Variants in ANO2 observed in about 807,000 individuals in gnomAD.
The protein encoded by ANO2 is anoctamin-2.
A neutral mutation model predicts 124.2 loss-of-function variants in ANO2; 101 were observed. The ratio of observed to expected loss-of-function variants is 0.81; its 90% CI spans 0.69 to 0.96. The LOEUF is 0.96. Among genes scored for constraint, ANO2 ranks in the 40% least tolerant of loss-of-function variants. The probability of loss-of-function intolerance (pLI) is 0.00; values close to 1 mark genes in which losing one functional copy is unlikely to be tolerated. For missense variants in ANO2, 1,293 were observed against 1,274.5 expected (o/e 1.01, Z -0.22); for synonymous variants, 486 against 482.5 (o/e 1.01, Z -0.09).
At chr12:5,833,108 C>T (rs1954207457) in intron 4 of ANO2, among the ~76,000 whole-genome samples, 1 of 152,186 alleles carries the variant, frequency 6.6e-6, no homozygotes, top group Non-Finnish European at 1.5e-5. Flanking sequence ...TAAAACTGCG[C>T]CACGCTTCTA....
intron 19 of ANO2, among the ~76,000 whole-genome samples, chr12:5,603,803 G>A (rs901078310): frequency 2.6e-5 from 4 of 151,970 alleles, no homozygotes; most frequent in Non-Finnish European, 5.9e-5. Flanking sequence ...AAATTAGCAG[G>A]GCACGGTGGT....
At chr12:5,571,480 TCA>T (rs1435618678) in intron 23 of ANO2, among the ~76,000 whole-genome samples, 7 of 152,194 alleles carry the variant, frequency 4.6e-5, no homozygotes, top group Non-Finnish European at 1.0e-4. Context: ...GTCGGAGACC[TCA>T]GTTTTATTTG....
intron 10 of ANO2, among the ~76,000 whole-genome samples, chr12:5,770,466 A>G (rs1276317208): frequency 6.6e-6 from 1 of 151,922 alleles, no homozygotes; most frequent in Admixed American, 6.6e-5. Context: ...ATACAGAACC[A>G]CATCTAGTTG....
Position 5,917,435 on chromosome 12 carries a change from C to G in ANO2, c.534+3605G>C, listed in dbSNP as rs529492057. Among the ~76,000 whole-genome samples, 26 of 152,246 alleles carry G rather than the reference C, an allele frequency of 1.7e-4. No individual in the cohort carries two copies. In the South Asian group the frequency reaches 5.2e-3, roughly 30 times the overall value. On this transcript the variant is annotated intron_variant, in intron 3 of 24. Coordinates refer to ENST00000682330, the MANE Select transcript of ANO2 (RefSeq NM_001364791.2). ...CATGCTGCATTTTTGTTTGCTAAAC[C>G]TGGCAACAGTAAATAATAATAATAG...
intron 19 of ANO2, chr12:5,609,047 G>A (rs1944350866): frequency 6.6e-6 from 1 of 152,130 alleles, no homozygotes; most frequent in African/African-American, 2.4e-5. Context: ...GGTTTCAAAG[G>A]GGCCAGATGC....
chr12:5,891,519 T>C (rs1436063888), intron 3 of ANO2, among the ~76,000 whole-genome samples: 1 of 152,122 alleles, frequency 6.6e-6, no homozygotes, highest in Non-Finnish European at 1.5e-5. Flanking sequence ...ACAGGAAGGT[T>C]CTGCAAAGAT....
At chr12:5,865,580 T>TACCATCATGCCACCAC (rs1179957938) in intron 3 of ANO2, among the ~76,000 whole-genome samples, 3 of 113,922 alleles carry the variant, frequency 2.6e-5, no homozygotes, top group South Asian at 3.0e-4. Context: ...CATGCATTCA[T>TACCATCATGCCACCAC]ACCATCATGC....
chr12:5,721,271 T>C (rs1950225326), intron 14 of ANO2, among the ~76,000 whole-genome samples: 1 of 152,104 alleles, frequency 6.6e-6, no homozygotes, highest in Admixed American at 6.5e-5. Flanking sequence ...AGATGCACTG[T>C]AAGGCCCAAG....
chr12:5,884,281 G>C (rs11063905), intron 3 of ANO2, among the ~76,000 whole-genome samples: 3,932 of 152,260 alleles, frequency 0.026, 150 homozygotes, highest in African/African-American at 0.089. Context: ...CCATTCAAAG[G>C]ACAAGGGCAG....
chr12:5,686,526 C>T (rs1320869545), intron 14 of ANO2, among the ~76,000 whole-genome samples: 2 of 152,190 alleles, frequency 1.3e-5, no homozygotes, highest in African/African-American at 4.8e-5. Context: ...TTGGCTGTCA[C>T]TCATCATAAA....
At chr12:5,771,798 T>C (rs1447566117) in intron 10 of ANO2, among the ~76,000 whole-genome samples, 1 of 152,184 alleles carries the variant, frequency 6.6e-6, no homozygotes, top group Non-Finnish European at 1.5e-5. Context: ...AACAGAATTC[T>C]TCATTGAATG....
intron 20 of ANO2, among the ~76,000 whole-genome samples, chr12:5,581,956 A>G (rs1942779833): frequency 1.3e-5 from 2 of 152,260 alleles, no homozygotes; most frequent in African/African-American, 4.8e-5. Context: ...TTGGGGGAGA[A>G]TAAAACATAA....
At chr12:5,756,142 G>A (rs1018189869) in intron 10 of ANO2, among the ~76,000 whole-genome samples, 4 of 151,766 alleles carry the variant, frequency 2.6e-5, no homozygotes, top group African/African-American at 9.7e-5. Context: ...GTATGCTACT[G>A]AAGTTCTGTA....
chr12:5,568,617 C>A (rs928103116), intron 23 of ANO2, among the ~76,000 whole-genome samples: 1 of 152,136 alleles, frequency 6.6e-6, no homozygotes, highest in South Asian at 2.1e-4. Context: ...CACTGAGTAA[C>A]TTAGAAGACA....
At chr12:5,598,173 A>G (rs1014588616) in intron 20 of ANO2, among the ~76,000 whole-genome samples, 2 of 152,170 alleles carry the variant, frequency 1.3e-5, no homozygotes, top group African/African-American at 4.8e-5. Flanking sequence ...CCTGTGCACA[A>G]AAAGGTACTG....
At chr12:5,846,079 G>C (rs1355152269) in intron 4 of ANO2, among the ~76,000 whole-genome samples, 1 of 152,192 alleles carries the variant, frequency 6.6e-6, no homozygotes, top group Non-Finnish European at 1.5e-5. Context: ...ATATGGACAA[G>C]CTTTAAAAGA....
chr12:5,638,657 T>C (rs1355688178), intron 15 of ANO2, among the ~76,000 whole-genome samples: 5 of 151,954 alleles, frequency 3.3e-5, no homozygotes, highest in African/African-American at 1.2e-4. Context: ...AAAAGGAGGT[T>C]TGTCTTTTAC....
At chr12:5,596,989 G>A (rs1337937948) in intron 20 of ANO2, among the ~76,000 whole-genome samples, 1 of 152,132 alleles carries the variant, frequency 6.6e-6, no homozygotes, top group Non-Finnish European at 1.5e-5. Context: ...GGGCAAGTGG[G>A]TAACTTACAC....
At chr12:5,716,521 C>A (rs1020721038) in intron 14 of ANO2, among the ~76,000 whole-genome samples, 6 of 152,160 alleles carry the variant, frequency 3.9e-5, no homozygotes, top group African/African-American at 1.2e-4. Flanking sequence ...GATAAGCATG[C>A]TGAGATTCTT....
Sources: allele counts gnomAD v4.1 joint callset (sites outside exome capture counted in the v4.1 genomes callset), GRCh38; gene constraint gnomAD v4.1.1; transcripts MANE v1.5; gene names NCBI Gene and HGNC (gene_info 2026-07-23, HGNC 2026-07-21).